Variants in FBXW7 observed in about 807,000 individuals in gnomAD.
FBXW7 encodes F-box and WD repeat domain containing 7, also known as F-box/WD repeat-containing protein 7.
A neutral mutation model predicts 86.3 loss-of-function variants in FBXW7; 11 were observed. The ratio of observed to expected loss-of-function variants is 0.13; its 90% CI spans 0.08 to 0.21. FBXW7 has a LOEUF of 0.21. Ranked by LOEUF, FBXW7 falls within the 10% of genes least tolerant of loss-of-function variation. The pLI is 1.00. For missense variants in FBXW7, 488 were observed against 847.4 expected, an observed-to-expected ratio of 0.58 and a Z score of 5.27; for synonymous variants, 313 against 297.9, an observed-to-expected ratio of 1.05 and a Z score of -0.52.
intron 2 of FBXW7, among the ~76,000 whole-genome samples, chr4:152,451,113 AAAG>A (rs1230157934): frequency 6.6e-6 from 1 of 152,212 alleles, no homozygotes; most frequent in Non-Finnish European, 1.5e-5. Flanking sequence ...ATTAGAAGAA[AAAG>A]AAGCATAATA....
At chr4:152,475,670 T>G (rs1323711019) in intron 2 of FBXW7, among the ~76,000 whole-genome samples, 1 of 152,160 alleles carries the variant, frequency 6.6e-6, no homozygotes, top group Non-Finnish European at 1.5e-5. Flanking sequence ...TTGTGGAATA[T>G]AAAATCAATA....
chr4:152,518,578 T>C (rs912674257), intron 2 of FBXW7, among the ~76,000 whole-genome samples: 1 of 152,236 alleles, frequency 6.6e-6, no homozygotes, highest in African/African-American at 2.4e-5. Flanking sequence ...ATTATAGGCA[T>C]AAGCCATCAC....
rs765495879 is a variant in FBXW7 at position 152,330,829 on chromosome 4, A to G, written c.1025T>C (p.Ile342Thr). The change falls in exon 9 of 14, where the codon ATA becomes ACA. Residue 342 changes from isoleucine (I) to threonine (T), a missense_variant. Ile to Thr is a moderately conservative substitution (Grantham distance 89). Transcript: ENST00000281708. ...TGGACTGTGTATGAAACCTGGTTTT[A>G]TTACTTTTCTTCTCTTGATGTGCAA... is the stretch of plus-strand genomic sequence containing the variant. ...EPLHIKRRKV[I>T]KPGFIHSPWK... 2.5e-6 allele frequency: 4 copies of G among 1,612,318 alleles called. No individual in the cohort carries two copies. Among genetic ancestry groups the G allele is most frequent in the Non-Finnish European group, 3.4e-6 (4 of 1,178,854 alleles).
At chr4:152,488,097 G>A (rs1223206010) in intron 2 of FBXW7, among the ~76,000 whole-genome samples, 2 of 151,830 alleles carry the variant, frequency 1.3e-5, no homozygotes, top group Non-Finnish European at 2.9e-5. Flanking sequence ...AACATTCTTT[G>A]GAGAATTGAA....
In FBXW7 at chr4:152,322,448, A is replaced by C. The variant is rs1728631509; in HGVS notation, c.*433T>G. Reference sequence around the variant, plus strand: ...CAGATGCTCTCTAATTAGAAAGTCAACCAGTACTTGTTTTGATATTATTGC... The same window carrying C: ...CAGATGCTCTCTAATTAGAAAGTCACCCAGTACTTGTTTTGATATTATTGC... On this transcript the variant is annotated 3_prime_UTR_variant, in exon 14 of 14. Transcript: ENST00000281708. 1 of 237,584 alleles carries C rather than the reference A, an allele frequency of 4.2e-6. No homozygotes were observed. Among genetic ancestry groups the C allele is most frequent in the East Asian group, 6.0e-5 (1 of 16,658 alleles). 14.7% of individuals were successfully genotyped at this position (237,584 alleles called of 1,614,324 possible).
At chr4:152,441,694 G>T (rs1285894285) in intron 2 of FBXW7, among the ~76,000 whole-genome samples, 1 of 152,126 alleles carries the variant, frequency 6.6e-6, no homozygotes, top group East Asian at 1.9e-4. Context: ...CCAATGACTT[G>T]CTGGTTATGC....
chr4:152,476,800 G>C (rs1423574701), intron 2 of FBXW7, among the ~76,000 whole-genome samples: 1 of 152,238 alleles, frequency 6.6e-6, no homozygotes, highest in East Asian at 1.9e-4. Flanking sequence ...CACCTCTTAG[G>C]AGCAAGACAC....
chr4:152,493,897 T>A (rs1746079579), intron 2 of FBXW7, among the ~76,000 whole-genome samples: 1 of 152,216 alleles, frequency 6.6e-6, no homozygotes, highest in Admixed American at 6.5e-5. Context: ...TTCACTTAAT[T>A]TACTAACAGA....
intron 2 of FBXW7, among the ~76,000 whole-genome samples, chr4:152,422,634 T>C (rs1371209593): frequency 2.0e-5 from 3 of 152,170 alleles, no homozygotes; most frequent in Non-Finnish European, 1.5e-5. Flanking sequence ...AAAATACAGA[T>C]ACAGAAAACT....
chr4:152,517,779 T>C (rs2149724580), intron 2 of FBXW7, among the ~76,000 whole-genome samples: 1 of 152,340 alleles, frequency 6.6e-6, no homozygotes, highest in Middle Eastern at 3.4e-3. Flanking sequence ...ATTTGTATAG[T>C]GGTGCCATAT....
chr4:152,514,922 A>G (rs951705020), intron 2 of FBXW7, among the ~76,000 whole-genome samples: 5 of 152,222 alleles, frequency 3.3e-5, no homozygotes, highest in Non-Finnish European at 7.3e-5. Flanking sequence ...CAGTAACACT[A>G]TAAGATTATT....
intron 2 of FBXW7, among the ~76,000 whole-genome samples, chr4:152,456,379 A>C (rs1433550651): frequency 6.7e-6 from 1 of 149,712 alleles, no homozygotes; most frequent in Non-Finnish European, 1.5e-5. Context: ...AAAAAAAAAA[A>C]AAAAAAAACA....
intron 2 of FBXW7, among the ~76,000 whole-genome samples, chr4:152,442,116 G>A (rs1334020581): frequency 6.6e-6 from 1 of 152,034 alleles, no homozygotes; most frequent in African/African-American, 2.4e-5. Context: ...TATATTAATC[G>A]TAACTATCAT....
chr4:152,384,797 G>T (rs1397026106), intron 4 of FBXW7, among the ~76,000 whole-genome samples: 1 of 151,878 alleles, frequency 6.6e-6, no homozygotes, highest in Non-Finnish European at 1.5e-5. Flanking sequence ...AGAGAGAAGA[G>T]ATAATATGAG....
At chr4:152,527,298 G>A (rs1286938732) in intron 2 of FBXW7, among the ~76,000 whole-genome samples, 2 of 152,220 alleles carry the variant, frequency 1.3e-5, no homozygotes, top group Non-Finnish European at 2.9e-5. Context: ...TAAATGAGAA[G>A]TAAACTAGCT....
At chr4:152,342,084 T>G (rs1034960550) in intron 6 of FBXW7, among the ~76,000 whole-genome samples, 1 of 152,124 alleles carries the variant, frequency 6.6e-6, no homozygotes, top group Non-Finnish European at 1.5e-5. Context: ...TGGCCTTTCA[T>G]GGTAGCCATG....
At chr4:152,341,837 G>A (rs1004035538) in intron 6 of FBXW7, among the ~76,000 whole-genome samples, 2 of 152,150 alleles carry the variant, frequency 1.3e-5, no homozygotes, top group Admixed American at 1.3e-4. Context: ...GCATGCATGT[G>A]TACATGAAAT....
At chr4:152,477,865 C>A (rs1407404919) in intron 2 of FBXW7, among the ~76,000 whole-genome samples, 1 of 151,926 alleles carries the variant, frequency 6.6e-6, no homozygotes, top group East Asian at 1.9e-4. Flanking sequence ...ACAGAAAGGA[C>A]AATAAATAAC....
At chr4:152,533,963 A>G (rs1301954832) in intron 2 of FBXW7, among the ~76,000 whole-genome samples, 2 of 152,184 alleles carry the variant, frequency 1.3e-5, no homozygotes, top group African/African-American at 4.8e-5. Context: ...ACGGACCACA[A>G]TTCTCAGTAT....
Sources: gnomAD v4.1 joint callset for allele counts (sites outside exome capture counted in the v4.1 genomes callset) on GRCh38, gnomAD v4.1.1 for gene constraint, MANE v1.5 for transcripts, NCBI Gene and HGNC (gene_info 2026-07-23, HGNC 2026-07-21) for gene names.